Variants in NPTN observed in about 807,000 individuals in gnomAD.
The protein encoded by NPTN is neuroplastin.
A neutral mutation model predicts 42.7 loss-of-function variants in NPTN; 5 were observed. The ratio of observed to expected loss-of-function variants is 0.12; its 90% CI spans 0.06 to 0.25. The LOEUF (loss-of-function observed/expected upper bound fraction) is 0.25. Ranked by LOEUF, NPTN falls within the 10% of genes least tolerant of loss-of-function variation. The probability of loss-of-function intolerance (pLI) is 1.00; values close to 1 mark genes in which losing one functional copy is unlikely to be tolerated. For missense variants in NPTN, 307 were observed against 525.4 expected (o/e 0.58, Z 4.06); for synonymous variants, 180 against 201.9 (o/e 0.89, Z 0.92).
Position 73,570,113 on chromosome 15 carries a change from C to T in NPTN, c.1114+37G>A. 4 of 1,557,072 alleles carry T rather than the reference C, an allele frequency of 2.6e-6. No individual in the cohort carries two copies. Among genetic ancestry groups the T allele is most frequent in the Non-Finnish European group, 3.5e-6 (4 of 1,149,244 alleles). ...CTTGGAAACCACCCGAAGGAACCAA[C>T]CCCAGCAGTACAGCTATTTTGTAGG... is the stretch of plus-strand genomic sequence containing the variant. On this transcript the variant is annotated intron_variant, in intron 6 of 8. Coordinates refer to ENST00000345330, the MANE Select transcript of NPTN (RefSeq NM_012428.4). The surrounding 1 kb of genome is among the most constrained non-coding windows in gnomAD (Gnocchi z 4.0).
intron 1 of NPTN, among the ~76,000 whole-genome samples, chr15:73,611,626 A>AT: frequency 6.6e-6 from 1 of 152,310 alleles, no homozygotes; most frequent in Middle Eastern, 3.4e-3. Flanking sequence ...TACACAGGGG[A>AT]TTTTTAGGAC....
chr15:73,601,117 G>A (rs1003014545), intron 1 of NPTN, among the ~76,000 whole-genome samples: 142 of 152,284 alleles, frequency 9.3e-4, no homozygotes, highest in Non-Finnish European at 1.3e-4. Context: ...TTCATACATA[G>A]GGCAGGTGCG....
intron 1 of NPTN, among the ~76,000 whole-genome samples, chr15:73,621,893 C>T (rs78728990): frequency 2.8e-3 from 421 of 152,268 alleles, no homozygotes; most frequent in Non-Finnish European, 4.2e-3. Flanking sequence ...TTCTTATAGG[C>T]ACCACTCCTT....
In NPTN at chr15:73,588,902, C is replaced by T. The variant is rs147821337; in HGVS notation, c.612-1284G>A. 6.6e-5 allele frequency among the ~76,000 whole-genome samples: 10 copies of T among 152,242 alleles called. No homozygotes were observed. The South Asian group carries it at 8.3e-4, about 13-fold the overall frequency. ...GTTTATTCAGCATACTATCCCATAC[C>T]GAGTACCTAGCCTGGTGCCTGGAAT... On this transcript the variant is annotated intron_variant, in intron 3 of 8. Coordinates refer to ENST00000345330, the MANE Select transcript of NPTN (RefSeq NM_012428.4).
chr15:73,586,852 A>G (rs1896343590), intron 4 of NPTN, among the ~76,000 whole-genome samples: 1 of 152,216 alleles, frequency 6.6e-6, no homozygotes, highest in Non-Finnish European at 1.5e-5. Context: ...CCACAAACTC[A>G]CTGTGTGACA....
intron 1 of NPTN, among the ~76,000 whole-genome samples, chr15:73,632,247 A>C (rs1898788641): frequency 3.4e-5 from 5 of 148,450 alleles, no homozygotes; most frequent in African/African-American, 7.5e-5. Flanking sequence ...CCCTTCCCTT[A>C]TTTTTCGTCT....
intron 1 of NPTN, among the ~76,000 whole-genome samples, chr15:73,620,452 T>C (rs547606675): frequency 2.6e-5 from 4 of 152,298 alleles, no homozygotes; most frequent in Non-Finnish European, 4.4e-5. Context: ...TTCTCTATTT[T>C]TGGTTGACAC....
rs1299828367 is a variant in NPTN, at chr15:73,560,086, T to C, written c.*977A>G. On this transcript the variant is annotated 3_prime_UTR_variant, in exon 9 of 9. Transcript: ENST00000345330. Reference sequence around the variant, plus strand: ...TTATACATCATTGCACTTCAATAATTACACAAAACACACAAGTACATGCAT... The same window carrying C: ...TTATACATCATTGCACTTCAATAATCACACAAAACACACAAGTACATGCAT... 1 of 550,900 alleles carries C rather than the reference T, an allele frequency of 1.8e-6. No individual in the cohort carries two copies. Among genetic ancestry groups the C allele is most frequent in the Non-Finnish European group, 3.0e-6 (1 of 330,320 alleles). 34.1% of individuals were successfully genotyped at this position (550,900 alleles called of 1,614,324 possible). A position where few individuals can be genotyped will look rare whatever the true frequency, so the allele number is the denominator to read the frequency against.
intron 1 of NPTN, among the ~76,000 whole-genome samples, chr15:73,620,978 C>T (rs1898112238): frequency 6.6e-6 from 1 of 152,172 alleles, no homozygotes; most frequent in Admixed American, 6.5e-5. Flanking sequence ...CTTTATATTA[C>T]ATTTAGGACA....
chr15:73,619,323 A>G (rs1898015680), intron 1 of NPTN, among the ~76,000 whole-genome samples: 1 of 152,190 alleles, frequency 6.6e-6, no homozygotes, highest in Non-Finnish European at 1.5e-5. Flanking sequence ...CGTCTCTACA[A>G]AATTTTACAA....
At chr15:73,573,981 C>G (rs1156907819) in intron 4 of NPTN, among the ~76,000 whole-genome samples, 186 bp from the exon 5 acceptor site, 1 of 152,194 alleles carries the variant, frequency 6.6e-6, no homozygotes, top group African/African-American at 2.4e-5. Flanking sequence ...TCCTCTACCC[C>G]CCACCCGCTA....
intron 4 of NPTN, among the ~76,000 whole-genome samples, chr15:73,578,992 C>CA (rs532918109): frequency 0.15 from 8,192 of 54,416 alleles, 492 homozygotes; most frequent in African/African-American, 0.2. Context: ...GATTCTGTCT[C>CA]AAAAAAAAAA....
rs568839732 is a variant in NPTN at position 73,570,639 on chromosome 15, T to G, written c.841-216A>C. On this transcript the variant is annotated intron_variant, in intron 5 of 8. Transcript: ENST00000345330. The surrounding 1 kb of genome is among the most constrained non-coding windows in gnomAD (Gnocchi z 4.0). The stretch of plus-strand genomic sequence containing the variant: ...TCCCTTACCATCGGTCCTCCAGACT[T>G]CCCCGACTTCCACGAAGTGAGTGCA... Among the ~76,000 whole-genome samples, 133 of 152,318 alleles carry G rather than the reference T, an allele frequency of 8.7e-4. No homozygotes were observed. Among genetic ancestry groups the G allele is most frequent in the Non-Finnish European group, 1.5e-3 (102 of 68,032 alleles).
At chr15:73,568,668 C>T (rs1435661134) in intron 6 of NPTN, 3 of 985,352 alleles carry the variant, frequency 3.0e-6, no homozygotes, top group African/African-American at 1.7e-5. Context: ...AAGTAAAACT[C>T]ATGGGGACAC....
In NPTN at chr15:73,560,064, T is replaced by G; in HGVS notation, c.*999A>C. ...AAAAACAGGTGAATCCACTTTTTTA[T>G]ACATCATTGCACTTCAATAATTACA... On this transcript the variant is annotated 3_prime_UTR_variant, in exon 9 of 9. Coordinates refer to ENST00000345330, the MANE Select transcript of NPTN (RefSeq NM_012428.4). The G allele has an allele frequency of 3.1e-6, 2 of 647,360 alleles. No homozygotes were observed. The highest frequency in any genetic ancestry group is 2.4e-6 in the Non-Finnish European group (1 of 409,650). The allele number at this position is 647,360 out of a possible 1,614,324, so 40.1% of individuals were successfully genotyped here. A position where few individuals can be genotyped will look rare whatever the true frequency, so the allele number is the denominator to read the frequency against.
intron 6 of NPTN, chr15:73,567,259 G>A (rs1425494548): frequency 2.5e-5 from 25 of 985,246 alleles, no homozygotes; most frequent in Non-Finnish European, 3.0e-5. Flanking sequence ...AGTCTGAAAT[G>A]AGCCATGGGT....
At chr15:73,624,679 TA>T (rs1268216470) in intron 1 of NPTN, among the ~76,000 whole-genome samples, 1 of 152,198 alleles carries the variant, frequency 6.6e-6, no homozygotes, top group East Asian at 1.9e-4. Flanking sequence ...TGGTTCTGCT[TA>T]CCCTCTCTCT....
intron 6 of NPTN, among the ~76,000 whole-genome samples, chr15:73,564,167 A>G (rs1894846767): frequency 6.6e-6 from 1 of 152,224 alleles, no homozygotes; most frequent in African/African-American, 2.4e-5. Flanking sequence ...AATGTTTTAA[A>G]AAGACCCACA....
chr15:73,587,640 C>T, intron 3 of NPTN, 22 bp from the exon 4 acceptor site: 3 of 1,545,288 alleles, frequency 1.9e-6, no homozygotes, highest in Non-Finnish European at 2.7e-6. Flanking sequence ...AGAAGAAAAA[C>T]CAAGTGAGGA....
Sources: gnomAD v4.1 joint callset for allele counts (sites outside exome capture counted in the v4.1 genomes callset) on GRCh38, gnomAD v4.1.1 for gene constraint, Gnocchi (gnomAD v3.1) non-coding constraint, MANE v1.5 for transcripts, NCBI Gene and HGNC (gene_info 2026-07-23, HGNC 2026-07-21) for gene names.